Variants in TEAD1 observed in about 807,000 individuals in gnomAD.
TEAD1 encodes TEA domain transcription factor 1, also known as transcriptional enhancer factor TEF-1.
Under a neutral mutation model 54.9 loss-of-function variants are expected in TEAD1, and 9 were observed. The ratio of observed to expected loss-of-function variants is 0.16; its 90% CI spans 0.10 to 0.29. TEAD1 has a LOEUF of 0.29. Among genes scored for constraint, TEAD1 ranks in the 10% least tolerant of loss-of-function variants. The pLI, the probability that TEAD1 is intolerant of heterozygous loss-of-function variation, is 1.00. For synonymous variants in TEAD1, 200 were observed against 187.8 expected (o/e 1.07, Z -0.53); for missense variants, 387 against 535.9 (o/e 0.72, Z 2.74).
intron 5 of TEAD1, among the ~76,000 whole-genome samples, chr11:12,869,748 A>G (rs903552650): frequency 6.6e-6 from 1 of 152,198 alleles, no homozygotes; most frequent in African/African-American, 2.4e-5. Flanking sequence ...TCCGTCTTCA[A>G]CCAAAATTAA....
intron 3 of TEAD1, among the ~76,000 whole-genome samples, chr11:12,779,523 C>A (rs1012124408): frequency 3.9e-5 from 6 of 152,208 alleles, no homozygotes; most frequent in Non-Finnish European, 5.9e-5. Flanking sequence ...GGCACCCCAT[C>A]TCACAACTTC....
chr11:12,784,771 C>T (rs539296704), intron 3 of TEAD1, among the ~76,000 whole-genome samples: 1 of 152,288 alleles, frequency 6.6e-6, no homozygotes, highest in Non-Finnish European at 1.5e-5. Context: ...TTCCTTAAGT[C>T]AAAGCTGGCC....
intron 2 of TEAD1, among the ~76,000 whole-genome samples, chr11:12,755,529 GTT>G (rs1944967206): frequency 1.3e-5 from 2 of 152,124 alleles, no homozygotes; most frequent in African/African-American, 2.4e-5. Flanking sequence ...TAGTCTTAAG[GTT>G]TTCTTTGACT....
At chr11:12,782,679 C>T (rs933008599) in intron 3 of TEAD1, among the ~76,000 whole-genome samples, 1 of 152,186 alleles carries the variant, frequency 6.6e-6, no homozygotes, top group Non-Finnish European at 1.5e-5. Flanking sequence ...CAGCATCATG[C>T]TTGGCCTTGA....
intron 3 of TEAD1, among the ~76,000 whole-genome samples, chr11:12,794,538 G>T (rs1451388157): frequency 6.6e-6 from 1 of 152,160 alleles, no homozygotes; most frequent in Non-Finnish European, 1.5e-5. Context: ...CTAGGTGAGG[G>T]CCAGGGTCAC....
intron 5 of TEAD1, among the ~76,000 whole-genome samples, chr11:12,870,790 G>A (rs1181173435): frequency 6.6e-6 from 1 of 152,226 alleles, no homozygotes; most frequent in Admixed American, 6.5e-5. Flanking sequence ...GGAGGCTGGG[G>A]CAGGAGGGTT....
At position 12,930,318 on chromosome 11, in the gene TEAD1, A is replaced by G. The variant is rs780754344; in HGVS notation, c.1159A>G (p.Ile387Val). The G allele has an allele frequency of 3.1e-6, 5 of 1,614,046 alleles. No homozygotes were observed. Among genetic ancestry groups the G allele is most frequent in the African/African-American group, 1.3e-5 (1 of 74,928 alleles). Reference sequence around the variant, plus strand: ...GAACAGTGTTTTGGAAAACTTCACAATTTTATTGGTAATGGTTTTGTCTCT... The same window carrying G: ...GAACAGTGTTTTGGAAAACTTCACAGTTTTATTGGTAATGGTTTTGTCTCT... The change falls in exon 12 of 13, where the codon ATT becomes GTT. Residue 387 changes from isoleucine (I) to valine (V), a missense_variant. Transcript: ENST00000527636.
chr11:12,687,125 C>T (rs1446666050), intron 2 of TEAD1, among the ~76,000 whole-genome samples: 2 of 152,186 alleles, frequency 1.3e-5, no homozygotes, highest in South Asian at 2.1e-4. Context: ...TTAGGTAAAT[C>T]ATTTGAAAAT....
chr11:12,757,610 G>A (rs1040291370), intron 2 of TEAD1, among the ~76,000 whole-genome samples: 7 of 152,088 alleles, frequency 4.6e-5, no homozygotes, highest in African/African-American at 1.4e-4. Flanking sequence ...CTAATTTGGC[G>A]ATTTTCTCTG....
intron 5 of TEAD1, 165 bp from the exon 6 acceptor site, chr11:12,879,543 G>T (rs2134094269): frequency 1.2e-6 from 1 of 817,376 alleles, no homozygotes; most frequent in South Asian, 1.4e-5. Context: ...GGTAGGTTGA[G>T]TGTGGTTTAG....
chr11:12,731,213 A>G (rs776470856), intron 2 of TEAD1, among the ~76,000 whole-genome samples: 1 of 152,174 alleles, frequency 6.6e-6, no homozygotes, highest in Non-Finnish European at 1.5e-5. Context: ...ATGCTAGCCC[A>G]TTTAGGTTTT....
chr11:12,740,161 C>G (rs1944623372), intron 2 of TEAD1, among the ~76,000 whole-genome samples: 1 of 152,182 alleles, frequency 6.6e-6, no homozygotes, highest in South Asian at 2.1e-4. Flanking sequence ...GATTTAAATC[C>G]TGGCTCTTCC....
At chr11:12,763,776 G>A (rs1006861270) in intron 2 of TEAD1, among the ~76,000 whole-genome samples, 2 of 152,192 alleles carry the variant, frequency 1.3e-5, no homozygotes, top group African/African-American at 2.4e-5. Context: ...TAGATAGTAG[G>A]CACTCAGTAA....
intron 2 of TEAD1, among the ~76,000 whole-genome samples, chr11:12,730,442 T>C (rs896605134): frequency 1.9e-4 from 20 of 103,658 alleles, no homozygotes; most frequent in East Asian, 5.6e-4. Flanking sequence ...TTTTTTTTTT[T>C]CCTAACGGTA....
intron 2 of TEAD1, among the ~76,000 whole-genome samples, chr11:12,735,860 G>T (rs766535918): frequency 6.6e-6 from 1 of 152,154 alleles, no homozygotes; most frequent in Non-Finnish European, 1.5e-5. Context: ...AACCCTGCCT[G>T]AAGTTGGCTG....
At chr11:12,870,524 A>G (rs917669739) in intron 5 of TEAD1, among the ~76,000 whole-genome samples, 12 of 151,958 alleles carry the variant, frequency 7.9e-5, no homozygotes, top group African/African-American at 2.7e-4. Context: ...TTTGGAAATT[A>G]AATTTATACA....
At chr11:12,887,341 C>T (rs772709832) in intron 9 of TEAD1, among the ~76,000 whole-genome samples, 11 of 152,028 alleles carry the variant, frequency 7.2e-5, no homozygotes, top group South Asian at 2.1e-4. Flanking sequence ...GTGATCTGCC[C>T]GCCTCGGCCT....
intron 2 of TEAD1, among the ~76,000 whole-genome samples, chr11:12,731,253 T>G (rs4501965): frequency 1.3e-5 from 2 of 152,178 alleles, no homozygotes; most frequent in Admixed American, 6.5e-5. Flanking sequence ...ATAATTTTTC[T>G]TATCAGATTT....
intron 2 of TEAD1, among the ~76,000 whole-genome samples, chr11:12,719,319 C>T (rs1446049408): frequency 2.0e-5 from 3 of 152,080 alleles, no homozygotes; most frequent in Non-Finnish European, 4.4e-5. Flanking sequence ...GAGGAATGCT[C>T]TTGTCTCACA....
Sources: allele counts gnomAD v4.1 joint callset (sites outside exome capture counted in the v4.1 genomes callset), GRCh38; gene constraint gnomAD v4.1.1; transcripts MANE v1.5; gene names NCBI Gene and HGNC (gene_info 2026-07-23, HGNC 2026-07-21).